LPIN2: variants seen among roughly 807,000 people sequenced by gnomAD.
LPIN2 encodes the protein lipin 2.
Under a neutral mutation model 111.4 loss-of-function variants are expected in LPIN2, and 55 were observed. The observed-to-expected ratio is 0.49, with a 90% CI of 0.40 to 0.62. The LOEUF is 0.62. Ranked by LOEUF, LPIN2 falls within the 20% of genes least tolerant of loss-of-function variation. The pLI is 0.00. For missense variants in LPIN2, 992 were observed against 1,112.1 expected, an observed-to-expected ratio of 0.89 and a Z score of 1.54; for synonymous variants, 425 against 414.0, an observed-to-expected ratio of 1.03 and a Z score of -0.32.
At chr18:2,961,741 A>G (rs949535052) in intron 1 of LPIN2, among the ~76,000 whole-genome samples, 2 of 151,854 alleles carry the variant, frequency 1.3e-5, no homozygotes, top group Non-Finnish European at 2.9e-5. Flanking sequence ...ATACACCCCC[A>G]CATTTTATTC....
At position 3,007,327 on chromosome 18, in the gene LPIN2, A is replaced by G. The variant is rs540714873; in HGVS notation, c.-10+5760T>C. Among the ~76,000 whole-genome samples, 16 of 152,162 alleles carry G rather than the reference A, an allele frequency of 1.1e-4. No homozygotes were observed. In the South Asian group the frequency reaches 3.3e-3, roughly 32 times the overall value. On this transcript the variant is annotated intron_variant, in intron 1 of 19. Coordinates refer to ENST00000677752, the MANE Select transcript of LPIN2 (RefSeq NM_001375808.2). ...GCTGGGACTACAGGTGCCCCCCACC[A>G]CGTCTGGCTAATTTTTTGTATTTTT... is the stretch of plus-strand genomic sequence containing the variant.
chr18:3,007,012 A>C (rs564971940), intron 1 of LPIN2, among the ~76,000 whole-genome samples: 1 of 150,472 alleles, frequency 6.6e-6, no homozygotes, highest in South Asian at 2.1e-4. Context: ...TAAAAAAAAA[A>C]AAACAGCATT....
At chr18:2,921,475 G>C in intron 18 of LPIN2, 58 bp downstream of exon 18, 2 of 1,302,656 alleles carry the variant, frequency 1.5e-6, no homozygotes, top group Non-Finnish European at 2.2e-6. Context: ...TACACCCCAC[G>C]AAGTACATCC....
At chr18:2,994,389 C>T (rs1165448817) in intron 1 of LPIN2, among the ~76,000 whole-genome samples, 3 of 152,188 alleles carry the variant, frequency 2.0e-5, no homozygotes, top group Admixed American at 6.5e-5. Flanking sequence ...GTCAGGCTCC[C>T]TAGGGCAGCT....
At chr18:2,974,130 T>C (rs2077969174) in intron 1 of LPIN2, among the ~76,000 whole-genome samples, 1 of 152,266 alleles carries the variant, frequency 6.6e-6, no homozygotes, top group South Asian at 2.1e-4. Flanking sequence ...AGTCTTGCTC[T>C]GTGGCCCAGG....
intron 14 of LPIN2, 98 bp from the exon 15 acceptor site, chr18:2,924,644 A>G (rs1347150810): frequency 6.9e-6 from 9 of 1,302,288 alleles, no homozygotes; most frequent in Non-Finnish European, 4.4e-6. Flanking sequence ...AATCCCAACA[A>G]GAGGCAGGAT....
At chr18:2,996,044 T>C (rs1360558295) in intron 1 of LPIN2, among the ~76,000 whole-genome samples, 2 of 152,112 alleles carry the variant, frequency 1.3e-5, no homozygotes, top group Non-Finnish European at 2.9e-5. Flanking sequence ...TTAAGACTTA[T>C]TAATAAAATG....
At chr18:2,983,891 G>GC (rs1161616185) in intron 1 of LPIN2, among the ~76,000 whole-genome samples, 5 of 151,830 alleles carry the variant, frequency 3.3e-5, no homozygotes, top group African/African-American at 1.2e-4. Context: ...CTGCTCTAAG[G>GC]CCCCGAGACA....
At chr18:3,012,169 G>A (rs1431318571) in intron 1 of LPIN2, among the ~76,000 whole-genome samples, 1 of 152,058 alleles carries the variant, frequency 6.6e-6, no homozygotes, top group African/African-American at 2.4e-5. Flanking sequence ...ACCAAGTCTA[G>A]AGCCTCGTTT....
chr18:2,932,081 A>G (rs1054647064), intron 8 of LPIN2, among the ~76,000 whole-genome samples: 1 of 152,184 alleles, frequency 6.6e-6, no homozygotes, highest in Non-Finnish European at 1.5e-5. Flanking sequence ...GAATATTTTC[A>G]TTTTTCAAGA....
rs2077698083 is a variant in LPIN2, at chr18:2,960,648, C to T, written c.192+1G>A. On this transcript the variant is annotated splice_donor_variant, in intron 2 of 19. Transcript: ENST00000677752. LOFTEE classifies it high-confidence loss of function. Reference sequence around the variant, plus strand: ...CTTTTCCTCTCCTTGAGGACACTCACCACTTTCTCTTTGGATCTCAGGACT... The same window carrying T: ...CTTTTCCTCTCCTTGAGGACACTCATCACTTTCTCTTTGGATCTCAGGACT... 6.2e-7 allele frequency: 1 copy of T among 1,613,950 alleles called. No individual in the cohort carries two copies. Among genetic ancestry groups the T allele is most frequent in the South Asian group, 1.1e-5 (1 of 91,080 alleles).
intron 11 of LPIN2, among the ~76,000 whole-genome samples, chr18:2,928,029 G>A (rs992108699): frequency 1.3e-5 from 2 of 152,018 alleles, no homozygotes; most frequent in African/African-American, 2.4e-5. Flanking sequence ...GAGACCAGGC[G>A]GTCTGCTATG....
At chr18:2,927,687 C>T (rs2077154780) in intron 12 of LPIN2, 35 bp downstream of exon 12, 1 of 1,601,734 alleles carries the variant, frequency 6.2e-7, no homozygotes, top group Admixed American at 1.7e-5. Context: ...TCATTTCTTT[C>T]AGCCCACGGA....
rs1453926810 is a variant in LPIN2, at chr18:2,918,705, T to C, written c.*1588A>G. On this transcript the variant is annotated 3_prime_UTR_variant, in exon 20 of 20. Coordinates refer to ENST00000677752, the MANE Select transcript of LPIN2 (RefSeq NM_001375808.2). ...AGGGGATTTCAACATTGTCTCTGCA[T>C]CCGACAAGCACTAGGAAAATGGCTG... 3 of 152,218 alleles carry C rather than the reference T, an allele frequency of 2.0e-5. No homozygotes were observed. The highest frequency in any genetic ancestry group is 7.2e-5 in the African/African-American group (3 of 41,452). The allele number at this position is 152,218 out of a possible 1,614,324, so 9.4% of individuals were successfully genotyped here.
chr18:2,946,270 T>C, intron 4 of LPIN2: 1 of 1,546,414 alleles, frequency 6.5e-7, no homozygotes, highest in Admixed American at 1.7e-5. Context: ...GAAATTTTGG[T>C]TTTAATTCAG....
At position 2,960,856 on chromosome 18, in the gene LPIN2, G is replaced by GA. The variant is rs2077701555; in HGVS notation, c.-9-8dup. 2 of 1,610,200 alleles carry GA rather than the reference G, an allele frequency of 1.2e-6. No homozygotes were observed. The highest frequency in any genetic ancestry group is 1.7e-6 in the Non-Finnish European group (2 of 1,177,798). The stretch of plus-strand genomic sequence containing the variant: ...CATAATTCATGGTTTGAGACTACAA[G>GA]AAACAAAAATTAGATGAGATGTTAA... On this transcript the variant is annotated splice_region_variant and splice_polypyrimidine_tract_variant and intron_variant, in intron 1 of 19. Coordinates refer to ENST00000677752, the MANE Select transcript of LPIN2 (RefSeq NM_001375808.2).
At position 3,010,769 on chromosome 18, in the gene LPIN2, G is replaced by A. The variant is rs552526858; in HGVS notation, c.-10+2318C>T. Among the ~76,000 whole-genome samples, 9 of 152,226 alleles carry A rather than the reference G, an allele frequency of 5.9e-5. No individual in the cohort carries two copies. In the South Asian group the frequency reaches 1.0e-3, roughly 18 times the overall value. On this transcript the variant is annotated intron_variant, in intron 1 of 19. Coordinates refer to ENST00000677752, the MANE Select transcript of LPIN2 (RefSeq NM_001375808.2). Reference sequence around the variant, plus strand: ...AACAAGACAAAGCCTCCAGCTAGGCGTTACTGTGCTGATATATATTAGGAA... The same window carrying A: ...AACAAGACAAAGCCTCCAGCTAGGCATTACTGTGCTGATATATATTAGGAA...
intron 15 of LPIN2, among the ~76,000 whole-genome samples, 184 bp from the exon 16 acceptor site, chr18:2,924,045 G>A (rs552373313): frequency 6.6e-6 from 1 of 152,332 alleles, no homozygotes; most frequent in African/African-American, 2.4e-5. Flanking sequence ...AGGTGCTTCT[G>A]AAAGCGGAGT....
At chr18:2,969,668 G>A (rs984505602) in intron 1 of LPIN2, among the ~76,000 whole-genome samples, 7 of 152,100 alleles carry the variant, frequency 4.6e-5, no homozygotes, top group Non-Finnish European at 1.0e-4. Context: ...TAAGAATGTA[G>A]GTTCATTCAT....
Sources: allele counts gnomAD v4.1 joint callset (sites outside exome capture counted in the v4.1 genomes callset), GRCh38; gene constraint gnomAD v4.1.1; transcripts MANE v1.5; gene names NCBI Gene and HGNC (gene_info 2026-07-23, HGNC 2026-07-21).